Variants in ATG3 observed in about 807,000 individuals in gnomAD.
ATG3 encodes ubiquitin-like-conjugating enzyme ATG3.
Under a neutral mutation model 50.7 loss-of-function variants are expected in ATG3, and 25 were observed. The observed-to-expected ratio is 0.49, with a 90% confidence interval of 0.36 to 0.69. ATG3 has a LOEUF of 0.69. ATG3 is among the 30% of genes least tolerant of loss of function. ATG3 has a pLI of 0.00. For synonymous variants in ATG3, 119 were observed against 125.5 expected (o/e 0.95, Z 0.34); for missense variants, 281 against 376.0 (o/e 0.75, Z 2.09).
intron 2 of ATG3, among the ~76,000 whole-genome samples, chr3:112,555,532 G>GT (rs1001935778): frequency 3.3e-5 from 5 of 152,012 alleles, no homozygotes; most frequent in African/African-American, 1.2e-4. Flanking sequence ...TTTTTTCTTT[G>GT]TTTTTTGACA....
chr3:112,534,232 C>T, intron 11 of ATG3, 37 bp downstream of exon 11: 1 of 1,590,376 alleles, frequency 6.3e-7, no homozygotes. Flanking sequence ...TCGTTAACAG[C>T]CATTTTGCCA....
chr3:112,546,651 C>A (rs1409841842), intron 5 of ATG3, among the ~76,000 whole-genome samples: 1 of 152,104 alleles, frequency 6.6e-6, no homozygotes, highest in Non-Finnish European at 1.5e-5. Context: ...AAGGATAAAG[C>A]AAGGGAAACT....
chr3:112,534,411 G>T, intron 10 of ATG3, 74 bp from the exon 11 acceptor site: 7 of 1,274,222 alleles, frequency 5.5e-6, no homozygotes, highest in Non-Finnish European at 4.2e-6. Flanking sequence ...ATTTTCATTT[G>T]TAAAGAAATC....
chr3:112,557,012 G>A (rs1296536420), intron 2 of ATG3, among the ~76,000 whole-genome samples: 1 of 149,716 alleles, frequency 6.7e-6, no homozygotes, highest in Admixed American at 6.6e-5. Context: ...ACCCAAGAAT[G>A]ATCAATTAAA....
chr3:112,558,487 A>G (rs1417735832), intron 1 of ATG3, 70 bp from the exon 2 acceptor site: 1 of 1,262,406 alleles, frequency 7.9e-7, no homozygotes, highest in Non-Finnish European at 1.2e-6. Context: ...TTTGGGGGCA[A>G]TTATTTGCCT....
intron 1 of ATG3, 109 bp from the exon 2 acceptor site, chr3:112,558,526 CA>C (rs940707492): frequency 6.1e-4 from 497 of 808,872 alleles, no homozygotes; most frequent in South Asian, 7.9e-4. Flanking sequence ...AGAGCACATA[CA>C]AAAAAAAATT....
At chr3:112,535,898 A>G (rs1198307083) in intron 10 of ATG3, 1 of 152,398 alleles carries the variant, frequency 6.6e-6, no homozygotes, top group Admixed American at 6.5e-5. Context: ...TGAACTAATC[A>G]TGTATATAGG....
Position 112,553,336 on chromosome 3 carries a change from A to T in ATG3, c.115-7T>A. On this transcript the variant is annotated splice_region_variant and splice_polypyrimidine_tract_variant and intron_variant, in intron 2 of 11. Coordinates refer to ENST00000283290, the MANE Select transcript of ATG3 (RefSeq NM_022488.5). ...GATCTCCAGCTGCCACAAACTATTC[A>T]GGATTTAAAAGTAATATGAAAAAAA... 3.7e-6 allele frequency: 6 copies of T among 1,609,742 alleles called. No individual in the cohort carries two copies. Among genetic ancestry groups the T allele is most frequent in the Non-Finnish European group, 5.1e-6 (6 of 1,175,968 alleles).
intron 10 of ATG3, chr3:112,535,357 T>C (rs1175956432): frequency 6.6e-6 from 1 of 152,150 alleles, no homozygotes; most frequent in Non-Finnish European, 1.5e-5. Context: ...GAAATACTTA[T>C]ATCCCATTCC....
chr3:112,558,838 G>A (rs1933757775), intron 1 of ATG3, among the ~76,000 whole-genome samples: 1 of 151,934 alleles, frequency 6.6e-6, no homozygotes, highest in African/African-American at 2.4e-5. Context: ...CCGGGTTCAA[G>A]CGATTCTCCT....
intron 2 of ATG3, among the ~76,000 whole-genome samples, chr3:112,555,681 A>G (rs143262462): frequency 2.0e-5 from 3 of 152,354 alleles, no homozygotes; most frequent in South Asian, 2.1e-4. Context: ...AACTCAGTAT[A>G]TAATATTTAC....
intron 9 of ATG3, among the ~76,000 whole-genome samples, chr3:112,537,344 G>T (rs1047697651): frequency 1.3e-5 from 2 of 152,034 alleles, no homozygotes; most frequent in African/African-American, 4.8e-5. Context: ...TGTCTTAAGG[G>T]GAAAAATACA....
intron 1 of ATG3, 81 bp downstream of exon 1, chr3:112,561,376 A>C: frequency 6.9e-7 from 1 of 1,440,152 alleles, no homozygotes; most frequent in Non-Finnish European, 9.7e-7. Context: ...CCGCCGGAGA[A>C]AGCGGGGACT....
intron 5 of ATG3, among the ~76,000 whole-genome samples, chr3:112,545,035 A>G (rs1279212946): frequency 6.6e-6 from 1 of 152,222 alleles, no homozygotes; most frequent in Non-Finnish European, 1.5e-5. Context: ...TAGTAATATC[A>G]TATCACATTT....
intron 7 of ATG3, 42 bp downstream of exon 7, chr3:112,541,761 C>G: frequency 6.8e-7 from 1 of 1,478,112 alleles, no homozygotes; most frequent in African/African-American, 1.4e-5. Flanking sequence ...TATTCTAAAT[C>G]AATATTCTAG....
In ATG3 at chr3:112,561,748, G is replaced by C; in HGVS notation, c.-220C>G. The C allele has an allele frequency of 1.8e-6, 1 of 546,254 alleles. No individual in the cohort carries two copies. The highest frequency in any genetic ancestry group is 2.2e-5 in the South Asian group (1 of 45,196). 33.8% of individuals were successfully genotyped at this position (546,254 alleles called of 1,614,324 possible). A position where few individuals can be genotyped will look rare whatever the true frequency, so the allele number is the denominator to read the frequency against. ...CGGGGTGCGCGATCCTCGCACCCCAGGCAGCCCGCGACGGACCGGACCCAG... is the reference window on the plus strand; with the variant it reads ...CGGGGTGCGCGATCCTCGCACCCCACGCAGCCCGCGACGGACCGGACCCAG... On this transcript the variant is annotated 5_prime_UTR_variant, in exon 1 of 12. Transcript: ENST00000283290.
intron 2 of ATG3, among the ~76,000 whole-genome samples, chr3:112,557,906 C>A (rs1008980441): frequency 2.0e-5 from 3 of 151,786 alleles, no homozygotes; most frequent in African/African-American, 7.3e-5. Flanking sequence ...AAAATTGGAG[C>A]CTGAAAAGGT....
Position 112,561,679 on chromosome 3 carries a change from CGGGCGGGACGAGG to C in ATG3, c.-164_-152del. On this transcript the variant is annotated 5_prime_UTR_variant, in exon 1 of 12. Transcript: ENST00000283290. Reference sequence around the variant, plus strand: ...GGGGACGGGACGCGACGCGACGGGACGGGCGGGACGAGGGGGCGGGGCGGCAGGCACAGCGCGC... The same window carrying C: ...GGGGACGGGACGCGACGCGACGGGACGGGCGGGGCGGCAGGCACAGCGCGC... The C allele has an allele frequency of 1.4e-6, 1 of 711,046 alleles. No individual in the cohort carries two copies. Among genetic ancestry groups the C allele is most frequent in the East Asian group, 3.2e-5 (1 of 31,562 alleles). The allele number at this position is 711,046 out of a possible 1,614,324, so 44.0% of individuals were successfully genotyped here.
intron 5 of ATG3, among the ~76,000 whole-genome samples, chr3:112,544,344 C>T (rs1222438456): frequency 2.0e-5 from 3 of 152,086 alleles, no homozygotes; most frequent in Non-Finnish European, 4.4e-5. Context: ...GAATCTCTAT[C>T]ACAACACTTT....
Sources: allele counts gnomAD v4.1 joint callset (sites outside exome capture counted in the v4.1 genomes callset), GRCh38; gene constraint gnomAD v4.1.1; transcripts MANE v1.5; gene names NCBI Gene and HGNC (gene_info 2026-07-23, HGNC 2026-07-21).